Variants in CERS5 observed in about 807,000 individuals in gnomAD.
CERS5 encodes the protein LAG1 homolog, ceramide synthase 5.
A neutral mutation model predicts 58.9 loss-of-function variants in CERS5; 37 were observed. That is an observed-to-expected ratio of 0.63 (90% confidence interval 0.48 to 0.83). CERS5 has a LOEUF of 0.83. Among genes scored for constraint, CERS5 ranks in the 40% least tolerant of loss-of-function variants. CERS5 has a pLI of 0.00. For synonymous variants in CERS5, 147 were observed against 177.8 expected, an observed-to-expected ratio of 0.83 and a Z score of 1.38; for missense variants, 398 against 489.3, an observed-to-expected ratio of 0.81 and a Z score of 1.76.
chr12:50,157,196 A>T (rs1045132061), intron 1 of CERS5, among the ~76,000 whole-genome samples: 7 of 151,912 alleles, frequency 4.6e-5, no homozygotes, highest in African/African-American at 1.7e-4. Context: ...TGGGACTTGG[A>T]CTGGCTTTCC....
At chr12:50,133,869 A>G (rs1442655680) in intron 9 of CERS5, 2 of 529,210 alleles carry the variant, frequency 3.8e-6, no homozygotes, top group Non-Finnish European at 4.8e-6. Context: ...GTCGGGAGTT[A>G]GAGACCAGCC....
At chr12:50,158,557 G>T (rs1938918274) in intron 1 of CERS5, among the ~76,000 whole-genome samples, 1 of 152,166 alleles carries the variant, frequency 6.6e-6, no homozygotes, top group African/African-American at 2.4e-5. Flanking sequence ...AGTGTTTCAT[G>T]GAAGTGTGCC....
chr12:50,135,861 G>C (rs201135901), intron 7 of CERS5, 23 bp from the exon 8 acceptor site: 1 of 1,604,488 alleles, frequency 6.2e-7, no homozygotes, highest in Non-Finnish European at 8.5e-7. Context: ...AGAAAGAATT[G>C]AGCTGGGGAG....
At chr12:50,156,939 A>G (rs956368961) in intron 1 of CERS5, among the ~76,000 whole-genome samples, 2 of 152,226 alleles carry the variant, frequency 1.3e-5, no homozygotes, top group East Asian at 3.9e-4. Flanking sequence ...ATTGGATTGA[A>G]GAATGCAAAA....
intron 1 of CERS5, 63 bp from the exon 2 acceptor site, chr12:50,144,120 T>A: frequency 1.1e-6 from 1 of 895,058 alleles, no homozygotes; most frequent in Non-Finnish European, 1.9e-6. Context: ...AGTTGACACA[T>A]AATAATTGTA....
chr12:50,135,624 C>A (rs148842982), intron 8 of CERS5, 108 bp downstream of exon 8: 1 of 881,124 alleles, frequency 1.1e-6, no homozygotes, highest in African/African-American at 1.6e-5. Flanking sequence ...GTTCTATTGG[C>A]GAAAGTAGAA....
chr12:50,151,347 C>G (rs545826873), intron 1 of CERS5, among the ~76,000 whole-genome samples: 1 of 152,140 alleles, frequency 6.6e-6, no homozygotes, highest in African/African-American at 2.4e-5. Flanking sequence ...ATTCCCATTA[C>G]TTTTAATGGC....
At chr12:50,148,946 A>ATATATGTG (rs1420401358) in intron 1 of CERS5, among the ~76,000 whole-genome samples, 11 of 103,142 alleles carry the variant, frequency 1.1e-4, no homozygotes, top group African/African-American at 3.2e-4. Context: ...ATATATATAT[A>ATATATGTG]TGTGTGTGTG....
intron 1 of CERS5, chr12:50,148,527 A>G (rs925586270): frequency 6.0e-6 from 2 of 334,874 alleles, no homozygotes; most frequent in African/African-American, 4.4e-5. Flanking sequence ...AACTCGGGAG[A>G]CAGAGGTTGC....
At chr12:50,151,125 C>T (rs920745343) in intron 1 of CERS5, among the ~76,000 whole-genome samples, 1 of 152,078 alleles carries the variant, frequency 6.6e-6, no homozygotes, top group Non-Finnish European at 1.5e-5. Context: ...CGGTCCCTAG[C>T]ACCCTCTGGC....
At chr12:50,130,732 A>C (rs1951271726) in intron 9 of CERS5, 38 bp from the exon 10 acceptor site, 1 of 1,535,046 alleles carries the variant, frequency 6.5e-7, no homozygotes, top group African/African-American at 1.4e-5. Context: ...AAGTGAGGAA[A>C]GAACTGTAAG....
intron 1 of CERS5, among the ~76,000 whole-genome samples, chr12:50,159,626 C>T (rs1489758858): frequency 6.6e-6 from 1 of 152,124 alleles, no homozygotes; most frequent in East Asian, 1.9e-4. Flanking sequence ...CAGGGTCTCG[C>T]TCTGTTGCCC....
chr12:50,159,570 ATG>A (rs2138253522), intron 1 of CERS5, among the ~76,000 whole-genome samples: 1 of 152,260 alleles, frequency 6.6e-6, no homozygotes, highest in African/African-American at 2.4e-5. Flanking sequence ...CAGAAATATA[ATG>A]TGAGTCACAT....
In CERS5 at chr12:50,130,456, C is replaced by T. The variant is rs1951253979; in HGVS notation, c.*89G>A. On this transcript the variant is annotated 3_prime_UTR_variant, in exon 10 of 10. Coordinates refer to ENST00000317551, the MANE Select transcript of CERS5 (RefSeq NM_147190.5). ...TCAGTGCCTTGCAGTCTCCCAATCA[C>T]AGAAGAGTAGATATGGGAAGGGCCA... The T allele has an allele frequency of 1.6e-6, 2 of 1,231,412 alleles. No individual in the cohort carries two copies. The highest frequency in any genetic ancestry group is 3.0e-5 in the African/African-American group (2 of 65,946). 76.3% of individuals were successfully genotyped at this position (1,231,412 alleles called of 1,614,324 possible).
chr12:50,150,537 G>A (rs74090082), intron 1 of CERS5, among the ~76,000 whole-genome samples: 3 of 152,028 alleles, frequency 2.0e-5, no homozygotes, highest in East Asian at 1.9e-4. Flanking sequence ...CAGAATATAC[G>A]AATACAAATG....
At chr12:50,155,505 G>C (rs1283117180) in intron 1 of CERS5, among the ~76,000 whole-genome samples, 1 of 151,716 alleles carries the variant, frequency 6.6e-6, no homozygotes, top group African/African-American at 2.4e-5. Flanking sequence ...GGGAGGCTGA[G>C]GCAGGTGGAT....
rs1325557400 is a variant in CERS5, at chr12:50,130,470, T to C, written c.*75A>G. 7 of 1,334,264 alleles carry C rather than the reference T, an allele frequency of 5.2e-6. No homozygotes were observed. The highest frequency in any genetic ancestry group is 1.5e-5 in the African/African-American group (1 of 68,486). The allele number at this position is 1,334,264 out of a possible 1,614,324, so 82.7% of individuals were successfully genotyped here. On this transcript the variant is annotated 3_prime_UTR_variant, in exon 10 of 10. Coordinates refer to ENST00000317551, the MANE Select transcript of CERS5 (RefSeq NM_147190.5). ...TCTCCCAATCACAGAAGAGTAGATATGGGAAGGGCCAAGAGGAGTATGTTG... is the reference window on the plus strand; with the variant it reads ...TCTCCCAATCACAGAAGAGTAGATACGGGAAGGGCCAAGAGGAGTATGTTG...
chr12:50,141,755 A>T (rs1164526872), intron 4 of CERS5, among the ~76,000 whole-genome samples: 2 of 152,044 alleles, frequency 1.3e-5, no homozygotes, highest in East Asian at 3.9e-4. Flanking sequence ...CCTGGCCAAC[A>T]TGGTGAAACC....
rs1938873405 is a variant in CERS5, at chr12:50,158,187, G to C, written c.197+8914C>G. On this transcript the variant is annotated intron_variant, in intron 1 of 9. Transcript: ENST00000317551. The stretch of plus-strand genomic sequence containing the variant: ...AGAATTCTACTGAGAGGACACTAAA[G>C]TGAATTCAGGCCAAAGTGGTAGGAT... Among the ~76,000 whole-genome samples the C allele has an allele frequency of 1.1e-4, 16 of 151,980 alleles. No individual in the cohort carries two copies. The South Asian group carries it at 3.3e-3, about 32-fold the overall frequency.
Sources: gnomAD v4.1 joint callset for allele counts (sites outside exome capture counted in the v4.1 genomes callset) on GRCh38, gnomAD v4.1.1 for gene constraint, MANE v1.5 for transcripts, NCBI Gene and HGNC (gene_info 2026-07-23, HGNC 2026-07-21) for gene names.